Variants in ZNRF2 observed in about 807,000 individuals in gnomAD.
ZNRF2 encodes E3 ubiquitin-protein ligase ZNRF2.
A neutral mutation model predicts 20.4 loss-of-function variants in ZNRF2; 16 were observed. That is an observed-to-expected ratio of 0.79 (90% CI 0.53 to 1.19). The LOEUF is 1.19. Ranked by LOEUF, ZNRF2 falls within the 50% of genes most tolerant of loss-of-function variation. ZNRF2 has a pLI of 0.00. For missense variants in ZNRF2, 363 were observed against 332.4 expected, an observed-to-expected ratio of 1.09 and a Z score of -0.72; for synonymous variants, 178 against 144.9, an observed-to-expected ratio of 1.23 and a Z score of -1.64.
intron 2 of ZNRF2, among the ~76,000 whole-genome samples, chr7:30,334,835 C>G (rs1799692245): frequency 6.6e-6 from 1 of 152,114 alleles, no homozygotes; most frequent in Non-Finnish European, 1.5e-5. Context: ...GCCTACACAG[C>G]TGACATACAA....
chr7:30,325,135 GA>G (rs1197919934), intron 2 of ZNRF2, among the ~76,000 whole-genome samples: 2 of 152,176 alleles, frequency 1.3e-5, no homozygotes, highest in East Asian at 1.9e-4. Context: ...ACTTGGGGGG[GA>G]AAAATCAAGT....
chr7:30,285,333 G>A lies in ZNRF2; in HGVS notation c.-25G>A. ...TCCCGGCTCTCGGGGCGCAGCGCGC[G>A]GGCCCGGCCCGGGGCAGGGCGGACA... On this transcript the variant is annotated 5_prime_UTR_variant, in exon 1 of 5. Coordinates refer to ENST00000323037, the MANE Select transcript of ZNRF2 (RefSeq NM_147128.4). 9.2e-7 allele frequency: 1 copy of A among 1,087,800 alleles called. No individual in the cohort carries two copies. The highest frequency in any genetic ancestry group is 6.1e-5 in the East Asian group (1 of 16,332). The allele number at this position is 1,087,800 out of a possible 1,614,324, so 67.4% of individuals were successfully genotyped here.
At chr7:30,301,190 G>A (rs1049260294) in intron 1 of ZNRF2, among the ~76,000 whole-genome samples, 9 of 152,204 alleles carry the variant, frequency 5.9e-5, no homozygotes, top group African/African-American at 2.2e-4. Context: ...TGTTTTTAAA[G>A]CTAGGAAAGG....
intron 1 of ZNRF2, among the ~76,000 whole-genome samples, chr7:30,317,966 T>A (rs1799403859): frequency 6.6e-6 from 1 of 152,242 alleles, no homozygotes; most frequent in Non-Finnish European, 1.5e-5. Context: ...TTCCATTGTT[T>A]GTCATATTCA....
intron 3 of ZNRF2, among the ~76,000 whole-genome samples, chr7:30,359,345 T>TG (rs1489918744): frequency 6.6e-6 from 1 of 152,220 alleles, no homozygotes; most frequent in Non-Finnish European, 1.5e-5. Flanking sequence ...AAAACTAGAC[T>TG]TTATACTAGG....
intron 1 of ZNRF2, among the ~76,000 whole-genome samples, chr7:30,311,572 G>A (rs34704311): frequency 0.058 from 8,778 of 152,236 alleles, 845 homozygotes; most frequent in African/African-American, 0.2. Context: ...CAGACTAACT[G>A]CAGATGTGTT....
At chr7:30,340,434 A>G (rs1277487331) in intron 2 of ZNRF2, among the ~76,000 whole-genome samples, 5 of 152,188 alleles carry the variant, frequency 3.3e-5, no homozygotes, top group African/African-American at 1.2e-4. Flanking sequence ...TACCTAGTTT[A>G]TTGAGAGTTT....
intron 3 of ZNRF2, among the ~76,000 whole-genome samples, chr7:30,361,407 A>C (rs1409803820): frequency 6.6e-6 from 1 of 152,226 alleles, no homozygotes; most frequent in Non-Finnish European, 1.5e-5. Context: ...TCTGGACATG[A>C]GGATGATAAA....
chr7:30,298,476 C>CT (rs546479877), intron 1 of ZNRF2, among the ~76,000 whole-genome samples: 74 of 152,324 alleles, frequency 4.9e-4, no homozygotes, highest in African/African-American at 1.7e-3. Context: ...AGGGATATTA[C>CT]TGTCTTTTCT....
intron 4 of ZNRF2, among the ~76,000 whole-genome samples, chr7:30,364,947 C>T (rs1295646553): frequency 6.6e-6 from 1 of 152,048 alleles, no homozygotes; most frequent in Non-Finnish European, 1.5e-5. Context: ...ATTTATGGCA[C>T]CTTCTGTGTG....
chr7:30,293,085 C>A (rs753776383), intron 1 of ZNRF2, among the ~76,000 whole-genome samples: 19 of 152,038 alleles, frequency 1.2e-4, no homozygotes, highest in East Asian at 3.9e-4. Context: ...CTGCATATCC[C>A]GTGTTTTGAA....
chr7:30,307,567 G>C (rs1464078550), intron 1 of ZNRF2, among the ~76,000 whole-genome samples: 1 of 151,708 alleles, frequency 6.6e-6, no homozygotes, highest in East Asian at 1.9e-4. Context: ...TGTTTTTATT[G>C]ACCCTTAATT....
At chr7:30,346,512 G>T (rs1799882059) in intron 2 of ZNRF2, among the ~76,000 whole-genome samples, 1 of 151,792 alleles carries the variant, frequency 6.6e-6, no homozygotes. Flanking sequence ...TTTTTAACTT[G>T]CAGTATTGTA....
intron 2 of ZNRF2, among the ~76,000 whole-genome samples, chr7:30,346,256 C>T (rs984230767): frequency 4.0e-5 from 5 of 124,810 alleles, no homozygotes; most frequent in African/African-American, 1.2e-4. Context: ...TGCAGTGGCA[C>T]GATCTTGGCT....
chr7:30,340,935 T>A (rs1482764009), intron 2 of ZNRF2, among the ~76,000 whole-genome samples: 2 of 152,202 alleles, frequency 1.3e-5, no homozygotes, highest in Non-Finnish European at 2.9e-5. Flanking sequence ...TATGGTCTAT[T>A]CAGGGATTCT....
chr7:30,340,010 C>T (rs1246207164), intron 2 of ZNRF2, among the ~76,000 whole-genome samples: 1 of 152,036 alleles, frequency 6.6e-6, no homozygotes, highest in African/African-American at 2.4e-5. Context: ...GTATTTTATT[C>T]TCTTTGTAGC....
intron 1 of ZNRF2, among the ~76,000 whole-genome samples, chr7:30,295,625 G>T (rs551653446): frequency 1.3e-5 from 2 of 152,174 alleles, no homozygotes; most frequent in Non-Finnish European, 2.9e-5. Context: ...CAGGAGGATC[G>T]CTTGAACCCA....
chr7:30,352,180 G>C (rs774488799), intron 2 of ZNRF2, among the ~76,000 whole-genome samples: 1 of 151,882 alleles, frequency 6.6e-6, no homozygotes, highest in African/African-American at 2.4e-5. Context: ...TGAGGTTGAC[G>C]AACATTTTTG....
At position 30,284,626 on chromosome 7, in the gene ZNRF2, C is replaced by G. The variant is rs944222074; in HGVS notation, c.-732C>G. 4.2e-4 allele frequency: 64 copies of G among 153,388 alleles called. No individual in the cohort carries two copies. Among genetic ancestry groups the G allele is most frequent in the Non-Finnish European group, 7.1e-4 (49 of 68,592 alleles). The allele number at this position is 153,388 out of a possible 1,614,324, so 9.5% of individuals were successfully genotyped here. A position where few individuals can be genotyped will look rare whatever the true frequency, so the allele number is the denominator to read the frequency against. ...ACACGGGCCGGGCGCACCCTGCAGC[C>G]GCGCCGCTCCGCGGCCTTCCGGCGC... is the stretch of plus-strand genomic sequence containing the variant. On this transcript the variant is annotated 5_prime_UTR_variant, in exon 1 of 5. Coordinates refer to ENST00000323037, the MANE Select transcript of ZNRF2 (RefSeq NM_147128.4).
Sources: allele counts gnomAD v4.1 joint callset (sites outside exome capture counted in the v4.1 genomes callset), GRCh38; gene constraint gnomAD v4.1.1; transcripts MANE v1.5; gene names NCBI Gene and HGNC (gene_info 2026-07-23, HGNC 2026-07-21).